PABPC4L: variants seen among roughly 807,000 people sequenced by gnomAD.
The protein encoded by PABPC4L is poly(A) binding protein cytoplasmic 4 like.
For missense variants in PABPC4L, 452 were observed against 451.4 expected (o/e 1.00, Z -0.01); for synonymous variants, 169 against 164.1 (o/e 1.03, Z -0.23).
the PABPC4L span, among the ~76,000 whole-genome samples, chr4:134,126,116 A>G: frequency 7.2e-5 from 11 of 152,168 alleles, no homozygotes; most frequent in Admixed American, 4.6e-4. Flanking sequence ...ATGCACTCAA[A>G]TACAGGAGAG....
chr4:134,182,222 C>A, the PABPC4L span, among the ~76,000 whole-genome samples: 2 of 151,930 alleles, frequency 1.3e-5, no homozygotes, highest in African/African-American at 4.8e-5. Flanking sequence ...TACTACAAGG[C>A]TATAGTAACC....
the PABPC4L span, among the ~76,000 whole-genome samples, chr4:134,060,232 T>C: frequency 6.6e-6 from 1 of 151,978 alleles, no homozygotes; most frequent in African/African-American, 2.4e-5. Flanking sequence ...GCTAAAGTGC[T>C]CTGGGGTACT....
chr4:134,123,394 G>A, the PABPC4L span, among the ~76,000 whole-genome samples: 1 of 152,034 alleles, frequency 6.6e-6, no homozygotes, highest in Non-Finnish European at 1.5e-5. Flanking sequence ...GTAGATTATA[G>A]CCTGAGAGGT....
the PABPC4L span, among the ~76,000 whole-genome samples, chr4:134,019,061 A>G: frequency 1.3e-5 from 2 of 152,184 alleles, no homozygotes; most frequent in South Asian, 2.1e-4. Flanking sequence ...GTATGCATAA[A>G]TGTTTCAAAT....
At chr4:134,184,774 T>C in the PABPC4L span, among the ~76,000 whole-genome samples, 1 of 152,152 alleles carries the variant, frequency 6.6e-6, no homozygotes, top group East Asian at 1.9e-4. Flanking sequence ...AAAACTCTCT[T>C]ACAAAATGGC....
chr4:134,077,897 C>A, the PABPC4L span, among the ~76,000 whole-genome samples: 3 of 151,952 alleles, frequency 2.0e-5, no homozygotes, highest in African/African-American at 7.3e-5. Context: ...TTATCTTTAA[C>A]TAAATTACAT....
At chr4:134,016,027 C>T in the PABPC4L span, among the ~76,000 whole-genome samples, 1 of 152,174 alleles carries the variant, frequency 6.6e-6, no homozygotes, top group African/African-American at 2.4e-5. Flanking sequence ...GACTGCATCT[C>T]TCTGATCCAC....
chr4:134,163,571 C>A, the PABPC4L span, among the ~76,000 whole-genome samples: 5 of 152,084 alleles, frequency 3.3e-5, no homozygotes, highest in Admixed American at 3.3e-4. Context: ...AGACCAATAT[C>A]CCTGATGAAC....
At chr4:134,095,573 C>T in the PABPC4L span, among the ~76,000 whole-genome samples, 1 of 151,888 alleles carries the variant, frequency 6.6e-6, no homozygotes, top group Non-Finnish European at 1.5e-5. Flanking sequence ...CATCCTTGGC[C>T]TAATATCTTT....
At chr4:134,098,514 G>T in the PABPC4L span, among the ~76,000 whole-genome samples, 1 of 151,642 alleles carries the variant, frequency 6.6e-6, no homozygotes, top group African/African-American at 2.4e-5. Context: ...TAAGATTTTG[G>T]TTAAATTTTC....
chr4:134,006,134 A>G, the PABPC4L span, among the ~76,000 whole-genome samples: 2 of 151,886 alleles, frequency 1.3e-5, no homozygotes, highest in Admixed American at 1.3e-4. Flanking sequence ...ACTCACATGA[A>G]AGTGTTTTAC....
chr4:133,991,888 T>C, the PABPC4L span, among the ~76,000 whole-genome samples: 1 of 152,158 alleles, frequency 6.6e-6, no homozygotes, highest in Admixed American at 6.5e-5. Flanking sequence ...GTGTGGAGTT[T>C]CGGGGTGTAA....
the PABPC4L span, among the ~76,000 whole-genome samples, chr4:134,151,707 G>A: frequency 6.6e-6 from 1 of 151,584 alleles, no homozygotes; most frequent in African/African-American, 2.4e-5. Context: ...ACTATTAGTG[G>A]GGACACATCA....
At chr4:134,093,159 A>G in the PABPC4L span, among the ~76,000 whole-genome samples, 2 of 150,240 alleles carry the variant, frequency 1.3e-5, no homozygotes, top group Admixed American at 6.6e-5. Context: ...ATTTTTATGT[A>G]TCTTTTTTTT....
At chr4:134,059,736 G>A in the PABPC4L span, among the ~76,000 whole-genome samples, 1 of 151,648 alleles carries the variant, frequency 6.6e-6, no homozygotes, top group African/African-American at 2.4e-5. Flanking sequence ...AAACAGGAGA[G>A]AAAAGATAGG....
the PABPC4L span, among the ~76,000 whole-genome samples, chr4:134,025,204 A>G: frequency 6.7e-6 from 1 of 150,160 alleles, no homozygotes; most frequent in African/African-American, 2.4e-5. Flanking sequence ...ATGGTAGTGC[A>G]TGCCTGTAAT....
the PABPC4L span, among the ~76,000 whole-genome samples, chr4:133,954,521 C>T: frequency 1.2e-4 from 19 of 152,052 alleles, no homozygotes; most frequent in East Asian, 7.8e-4. Flanking sequence ...TTTTCTTTGT[C>T]GGTGGTTTAA....
chr4:133,960,911 C>T, the PABPC4L span, among the ~76,000 whole-genome samples: 1 of 152,124 alleles, frequency 6.6e-6, no homozygotes, highest in African/African-American at 2.4e-5. Flanking sequence ...ACAGTAAGAT[C>T]CGCCCAAGGA....
the PABPC4L span, among the ~76,000 whole-genome samples, chr4:134,155,746 A>T: frequency 6.6e-6 from 1 of 151,956 alleles, no homozygotes; most frequent in Non-Finnish European, 1.5e-5. Context: ...CTACCAAAAA[A>T]CCACAGCATT....
Sources: gnomAD v4.1 joint callset for allele counts (sites outside exome capture counted in the v4.1 genomes callset) on GRCh38, gnomAD v4.1.1 for gene constraint, MANE v1.5 for transcripts, NCBI Gene and HGNC (gene_info 2026-07-23, HGNC 2026-07-21) for gene names.